Variants in TEX2 observed in about 807,000 individuals in gnomAD.
TEX2 encodes the protein testis-expressed protein 2.
In TEX2, 53 loss-of-function variants were observed where a neutral mutation model predicts 106.9. That is an observed-to-expected ratio of 0.50 (90% CI 0.40 to 0.62). The LOEUF (loss-of-function observed/expected upper bound fraction) is 0.62, where lower values mean the gene tolerates loss of function less well. TEX2 is among the 20% of genes least tolerant of loss of function. The pLI is 0.00. For missense variants in TEX2, 1,207 were observed against 1,379.0 expected (o/e 0.88, Z 1.98); for synonymous variants, 523 against 534.8 (o/e 0.98, Z 0.30).
intron 3 of TEX2, among the ~76,000 whole-genome samples, chr17:64,194,202 A>G (rs1056069058): frequency 3.3e-5 from 5 of 152,236 alleles, no homozygotes; most frequent in Non-Finnish European, 7.3e-5. Context: ...TTGGCTATCA[A>G]CTGAATTTAA....
intron 5 of TEX2, among the ~76,000 whole-genome samples, chr17:64,181,746 C>T (rs933094994): frequency 6.6e-6 from 1 of 151,690 alleles, no homozygotes; most frequent in Non-Finnish European, 1.5e-5. Context: ...AAACTCCCAA[C>T]CTCAGGTGAT....
chr17:64,172,085 T>C (rs886525168), intron 6 of TEX2, among the ~76,000 whole-genome samples: 1 of 151,926 alleles, frequency 6.6e-6, no homozygotes, highest in Non-Finnish European at 1.5e-5. Context: ...CCAGGCGCAG[T>C]GGCTCACGCC....
chr17:64,196,524 T>G (rs1598167010), intron 2 of TEX2, among the ~76,000 whole-genome samples: 1 of 152,122 alleles, frequency 6.6e-6, no homozygotes, highest in East Asian at 1.9e-4. Context: ...AGGAGCAGCA[T>G]CTATTCAACA....
At chr17:64,174,775 C>T (rs559783337) in intron 6 of TEX2, among the ~76,000 whole-genome samples, 2 of 152,322 alleles carry the variant, frequency 1.3e-5, no homozygotes, top group South Asian at 4.1e-4. Flanking sequence ...CACTGAGGGC[C>T]CTAGGGCGGT....
intron 7 of TEX2, among the ~76,000 whole-genome samples, chr17:64,168,298 G>T (rs1217848112): frequency 6.6e-6 from 1 of 152,114 alleles, no homozygotes; most frequent in African/African-American, 2.4e-5. Context: ...TGTGGACTTG[G>T]AAAAACCTGA....
intron 2 of TEX2, among the ~76,000 whole-genome samples, chr17:64,206,453 T>C (rs1323822326): frequency 6.6e-6 from 1 of 152,122 alleles, no homozygotes. Context: ...TCATCAGCTA[T>C]GAACTCCAAC....
chr17:64,179,620 A>G (rs1243565352), intron 5 of TEX2, among the ~76,000 whole-genome samples: 1 of 152,126 alleles, frequency 6.6e-6, no homozygotes, highest in Non-Finnish European at 1.5e-5. Context: ...CTCCACATAC[A>G]TTGCCACAGC....
Position 64,186,081 on chromosome 17 carries a change from C to G in TEX2, c.2424+2087G>C, listed in dbSNP as rs2032061359. Among the ~76,000 whole-genome samples, 4 of 152,182 alleles carry G rather than the reference C, an allele frequency of 2.6e-5. No individual in the cohort carries two copies. The South Asian group carries it at 8.3e-4, about 31-fold the overall frequency. ...TAGCATACAATATGCACATGTAACA[C>G]AAACCAAGGAAACAAAGCTCTAAAA... On this transcript the variant is annotated intron_variant, in intron 5 of 11. Transcript: ENST00000584379.
At chr17:64,227,035 G>A (rs1598205402) in intron 1 of TEX2, among the ~76,000 whole-genome samples, 1 of 151,846 alleles carries the variant, frequency 6.6e-6, no homozygotes, top group African/African-American at 2.4e-5. Context: ...AGACCATCTG[G>A]GCCAACATGG....
At chr17:64,175,035 C>T (rs2031564621) in intron 6 of TEX2, among the ~76,000 whole-genome samples, 1 of 152,222 alleles carries the variant, frequency 6.6e-6, no homozygotes, top group Non-Finnish European at 1.5e-5. Context: ...GCTCAGGCTC[C>T]TCTAGATACC....
At position 64,195,058 on chromosome 17, in the gene TEX2, G is replaced by T. The variant is rs1567933168; in HGVS notation, c.1682C>A (p.Thr561Asn). 6.2e-7 allele frequency: 1 copy of T among 1,614,112 alleles called. No individual in the cohort carries two copies. The highest frequency in any genetic ancestry group is 8.5e-7 in the Non-Finnish European group (1 of 1,179,996). ...TGAATGTGTCAAAGTCGCATGGTAG[G>T]TTTCTGGATCATAGTTGTAAATCTC... The part of the protein sequence containing the change: ...MNEIYNYDPE[T>N]YHATLTHSVF... Residue 561 changes from threonine (T) to asparagine (N), a missense_variant, in exon 3 of 12, where the codon ACC becomes AAC. Thr to Asn is a moderately conservative substitution (Grantham distance 65). This residue lies in a region of TEX2 where 1,067 missense variants were observed against 1,193.6 expected (regional missense o/e 0.89). Transcript: ENST00000584379. This position sits in a 1 kb window ranked among gnomAD's most constrained non-coding sequence, Gnocchi z 4.1.
At chr17:64,201,396 C>T (rs1322755787) in intron 2 of TEX2, among the ~76,000 whole-genome samples, 2 of 152,166 alleles carry the variant, frequency 1.3e-5, no homozygotes, top group Non-Finnish European at 2.9e-5. Context: ...AAATCATAAG[C>T]ATATGGTTTT....
chr17:64,156,931 T>C (rs1249176618), intron 8 of TEX2, among the ~76,000 whole-genome samples: 8 of 152,208 alleles, frequency 5.3e-5, no homozygotes, highest in Non-Finnish European at 1.2e-4. Context: ...AGCTCTCAGG[T>C]TACTGAGTTA....
chr17:64,167,956 G>A (rs2031216953), intron 7 of TEX2, among the ~76,000 whole-genome samples: 1 of 152,166 alleles, frequency 6.6e-6, no homozygotes, highest in Non-Finnish European at 1.5e-5. Flanking sequence ...GCCTCAAGAA[G>A]AGCATCCCTA....
At chr17:64,237,493 A>T (rs2033796237) in intron 1 of TEX2, among the ~76,000 whole-genome samples, 1 of 152,174 alleles carries the variant, frequency 6.6e-6, no homozygotes, top group South Asian at 2.1e-4. Context: ...AATAAACTGG[A>T]AAGAGGCAAG....
At chr17:64,239,309 T>C (rs1555635480) in intron 1 of TEX2, 2 of 152,220 alleles carry the variant, frequency 1.3e-5, no homozygotes, top group African/African-American at 4.8e-5. Flanking sequence ...TAACCTTAAT[T>C]TTTAAAGAGC....
rs942608416 is a variant in TEX2, at chr17:64,149,155, T to G, written c.3262-64A>C. 6 of 1,573,650 alleles carry G rather than the reference T, an allele frequency of 3.8e-6. No homozygotes were observed. The African/African-American group carries it at 5.4e-5, about 14-fold the overall frequency. ...GCCTTGCCAGGCTGTCACCCTCCTT[T>G]GTTCTGATAATTTTAGGGCTTAGAC... On this transcript the variant is annotated intron_variant, in intron 11 of 11. Coordinates refer to ENST00000584379, the MANE Select transcript of TEX2 (RefSeq NM_001288732.2).
rs1451051103 is a variant in TEX2 at position 64,153,581 on chromosome 17, A to G, written c.2931-427T>C. ...CAGACAGAAATCCAATGACATATCA[A>G]TCTCATAATCTCCATGCAGCAAGTA... is the stretch of plus-strand genomic sequence containing the variant. On this transcript the variant is annotated intron_variant, in intron 9 of 11. Transcript: ENST00000584379. This position sits in a 1 kb window ranked among gnomAD's most constrained non-coding sequence, Gnocchi z 4.1. 6.6e-6 allele frequency among the ~76,000 whole-genome samples: 1 copy of G among 152,204 alleles called. No homozygotes were observed. Among genetic ancestry groups the G allele is most frequent in the African/African-American group, 2.4e-5 (1 of 41,452 alleles).
intron 6 of TEX2, among the ~76,000 whole-genome samples, chr17:64,172,231 T>G (rs952280187): frequency 6.6e-6 from 1 of 151,628 alleles, no homozygotes; most frequent in African/African-American, 2.4e-5. Flanking sequence ...CACGTGCCTG[T>G]AGTCCCAGCT....
Sources: allele counts gnomAD v4.1 joint callset (sites outside exome capture counted in the v4.1 genomes callset), GRCh38; gene constraint gnomAD v4.1.1; regional missense constraint gnomAD v4.1.1; non-coding constraint Gnocchi (gnomAD v3.1); transcripts MANE v1.5; gene names NCBI Gene and HGNC (gene_info 2026-07-23, HGNC 2026-07-21).